Variants in EHMT1 observed in about 807,000 individuals in gnomAD.
The protein encoded by EHMT1 is euchromatic histone lysine methyltransferase 1, also known as histone-lysine N-methyltransferase EHMT1.
A neutral mutation model predicts 147.2 loss-of-function variants in EHMT1; 15 were observed. The observed-to-expected ratio is 0.10, with a 90% confidence interval of 0.07 to 0.16. EHMT1 has a LOEUF of 0.16. EHMT1 is among the 10% of genes least tolerant of loss of function. The pLI is 1.00. For missense variants in EHMT1, 1,587 were observed against 1,772.4 expected, an observed-to-expected ratio of 0.90 and a Z score of 1.88; for synonymous variants, 795 against 709.6, an observed-to-expected ratio of 1.12 and a Z score of -1.91.
At chr9:137,743,573 C>A (rs779852017) in intron 5 of EHMT1, 45 bp downstream of exon 5, 1 of 1,612,956 alleles carries the variant, frequency 6.2e-7, no homozygotes, top group Non-Finnish European at 8.5e-7. Flanking sequence ...CGTGGAAATG[C>A]GTTTCTGTGT....
intron 4 of EHMT1, among the ~76,000 whole-genome samples, chr9:137,739,913 A>C (rs1947903932): frequency 6.6e-6 from 1 of 152,144 alleles, no homozygotes; most frequent in African/African-American, 2.4e-5. Flanking sequence ...GAACAGTTCT[A>C]CAGGTGCTGC....
chr9:137,823,436 G>C (rs1360377552), intron 25 of EHMT1: 5 of 366,094 alleles, frequency 1.4e-5, no homozygotes, highest in African/African-American at 1.3e-4. Flanking sequence ...TTTTGAAACG[G>C]AGTCTGGCTC....
intron 1 of EHMT1, among the ~76,000 whole-genome samples, chr9:137,635,511 G>T (rs767127722): frequency 7.9e-5 from 12 of 151,056 alleles, no homozygotes; most frequent in Admixed American, 7.9e-4. Context: ...CACTGCGCTC[G>T]GCCTTCAGTT....
At chr9:137,741,469 A>C (rs1371222815) in intron 4 of EHMT1, among the ~76,000 whole-genome samples, 1 of 152,206 alleles carries the variant, frequency 6.6e-6, no homozygotes, top group African/African-American at 2.4e-5. Flanking sequence ...GTCACATTGA[A>C]GCAGATGCAG....
At chr9:137,669,988 G>A (rs1940366741) in intron 1 of EHMT1, among the ~76,000 whole-genome samples, 1 of 152,056 alleles carries the variant, frequency 6.6e-6, no homozygotes, top group South Asian at 2.1e-4. Flanking sequence ...CACAGCCTCA[G>A]CTGGGTTTAC....
intron 1 of EHMT1, among the ~76,000 whole-genome samples, chr9:137,668,722 C>G (rs1940002832): frequency 7.4e-6 from 1 of 135,986 alleles, no homozygotes; most frequent in African/African-American, 3.2e-5. Context: ...TTTCACTTAA[C>G]TTAGTGTTTT....
At chr9:137,824,003 C>G (rs1327357494) in intron 25 of EHMT1, among the ~76,000 whole-genome samples, 1 of 152,268 alleles carries the variant, frequency 6.6e-6, no homozygotes, top group Admixed American at 6.5e-5. Context: ...TTAACAGTGT[C>G]TTTCAGGAAG....
rs372779658 is a variant in EHMT1 at position 137,782,295 on chromosome 9, C to T, written c.2280C>T (p.Asp760=). 220 of 1,613,274 alleles carry T rather than the reference C, an allele frequency of 1.4e-4. No homozygotes were observed. The highest frequency in any genetic ancestry group is 5.5e-4 in the Admixed American group (33 of 59,992). Residue 760 remains aspartate, a synonymous_variant, in exon 15 of 27, where the codon GAC becomes GAT. Coordinates refer to ENST00000460843, the MANE Select transcript of EHMT1 (RefSeq NM_024757.5). The surrounding 1 kb of genome is among the most constrained non-coding windows in gnomAD (Gnocchi z 5.7). ...ELQKVLLMLV[D]GIDPNFKMEH... ...TAAAACTGTGTTTGTTCACAGTGGA[C>T]GGAATTGACCCCAACTTCAAAATGG...
chr9:137,619,574 G>A (rs1170110536), intron 1 of EHMT1, among the ~76,000 whole-genome samples: 1 of 152,098 alleles, frequency 6.6e-6, no homozygotes, highest in Non-Finnish European at 1.5e-5. Context: ...CGAAAAGTTG[G>A]CCAGTCCCGG....
At chr9:137,770,683 T>A (rs1410803615) in intron 10 of EHMT1, among the ~76,000 whole-genome samples, 44 of 152,186 alleles carry the variant, frequency 2.9e-4, no homozygotes. Flanking sequence ...CCAGCTACCT[T>A]GTTCAGCAAG....
intron 10 of EHMT1, among the ~76,000 whole-genome samples, chr9:137,772,254 G>A (rs761840571): frequency 2.0e-5 from 3 of 152,160 alleles, no homozygotes; most frequent in African/African-American, 7.2e-5. Context: ...TGGCTTGAAC[G>A]AGAAGAGAAA....
chr9:137,651,471 G>C (rs1937810820), intron 1 of EHMT1, among the ~76,000 whole-genome samples: 1 of 152,252 alleles, frequency 6.6e-6, no homozygotes, highest in African/African-American at 2.4e-5. Flanking sequence ...CAACATATAA[G>C]ATGATGGTCC....
intron 25 of EHMT1, 81 bp from the exon 26 acceptor site, chr9:137,834,268 T>G: frequency 6.4e-7 from 1 of 1,562,022 alleles, no homozygotes; most frequent in Non-Finnish European, 8.7e-7. Flanking sequence ...GCTCCGGGAC[T>G]GCCATGCATG....
rs1478264021 is a variant in EHMT1, at chr9:137,717,000, A to T, written c.460A>T (p.Thr154Ser). The change falls in exon 3 of 27, where the codon ACC becomes TCC. Residue 154 changes from threonine to serine, a missense_variant. Thr to Ser is a moderately conservative substitution (Grantham distance 58). Transcript: ENST00000460843. ...ASSLPGHAAKTLPGGAGKGRT... is the reference protein window; with the variant it reads ...ASSLPGHAAKSLPGGAGKGRT... ...TTCGCTGCCTGGCCATGCTGCAAAA[A>T]CCCTTCCTGGAGGGGCTGGCAAAGG... The T allele has an allele frequency of 3.1e-6, 5 of 1,607,210 alleles. No individual in the cohort carries two copies. The highest frequency in any genetic ancestry group is 4.3e-6 in the Non-Finnish European group (5 of 1,175,804).
chr9:137,747,840 G>C (rs1948672521), intron 6 of EHMT1: 1 of 152,194 alleles, frequency 6.6e-6, no homozygotes, highest in African/African-American at 2.4e-5. Flanking sequence ...CCTCTCCTGA[G>C]TGCTAACCGT....
At chr9:137,714,020 C>T (rs1021682532) in intron 2 of EHMT1, among the ~76,000 whole-genome samples, 1 of 152,180 alleles carries the variant, frequency 6.6e-6, no homozygotes, top group Non-Finnish European at 1.5e-5. Context: ...TTGCTAAACT[C>T]GTTTATTAGT....
intron 1 of EHMT1, among the ~76,000 whole-genome samples, chr9:137,659,785 C>T (rs1013957545): frequency 1.3e-5 from 2 of 151,996 alleles, no homozygotes; most frequent in African/African-American, 2.4e-5. Flanking sequence ...CTATGTTGCC[C>T]AGGCTGGTCT....
intron 6 of EHMT1, chr9:137,746,700 G>A (rs1171486337): frequency 6.6e-6 from 1 of 152,190 alleles, no homozygotes; most frequent in Non-Finnish European, 1.5e-5. Context: ...TGTGAGGTAA[G>A]GGTCCCAGGG....
intron 3 of EHMT1, among the ~76,000 whole-genome samples, chr9:137,718,999 C>T (rs538394397): frequency 1.6e-4 from 24 of 152,154 alleles, no homozygotes; most frequent in African/African-American, 4.6e-4. Context: ...GTGATCCATG[C>T]GCCTCGGCCT....
Sources: allele counts gnomAD v4.1 joint callset (sites outside exome capture counted in the v4.1 genomes callset), GRCh38; gene constraint gnomAD v4.1.1; non-coding constraint Gnocchi (gnomAD v3.1); transcripts MANE v1.5; gene names NCBI Gene and HGNC (gene_info 2026-07-23, HGNC 2026-07-21).